Variants in NF1 observed in about 807,000 individuals in gnomAD.
NF1 encodes the protein neurofibromin 1, also known as neurofibromin.
NF1 carries 122 observed loss-of-function variants against 325.7 expected under a neutral mutation model. That is an observed-to-expected ratio of 0.37 (90% CI 0.32 to 0.44). The LOEUF (loss-of-function observed/expected upper bound fraction) is 0.44. Ranked by LOEUF, NF1 falls within the 20% of genes least tolerant of loss-of-function variation. The pLI is 1.00. For missense variants in NF1, 2,140 were observed against 3,415.4 expected (o/e 0.63, Z 9.31); for synonymous variants, 1,091 against 1,186.0 (o/e 0.92, Z 1.65).
intron 1 of NF1, among the ~76,000 whole-genome samples, chr17:31,142,429 A>G (rs1224513057): frequency 6.6e-6 from 1 of 152,222 alleles, no homozygotes; most frequent in Non-Finnish European, 1.5e-5. Flanking sequence ...CAATGACCTC[A>G]TATTTTAAAT....
At chr17:31,222,108 T>C (rs1207837633) in intron 15 of NF1, 179 bp downstream of exon 15, 1 of 1,300,750 alleles carries the variant, frequency 7.7e-7, no homozygotes, top group African/African-American at 1.5e-5. Flanking sequence ...GTAAGAAAAG[T>C]ATCACAGCAA....
At chr17:31,187,680 A>G (rs1286363269) in intron 8 of NF1, among the ~76,000 whole-genome samples, 1 of 152,124 alleles carries the variant, frequency 6.6e-6, no homozygotes, top group African/African-American at 2.4e-5. Context: ...TGTTTCTCCC[A>G]TAGCCAGGAT....
chr17:31,183,842 TC>T (rs1371212216), intron 8 of NF1, among the ~76,000 whole-genome samples: 3 of 152,184 alleles, frequency 2.0e-5, no homozygotes, highest in Non-Finnish European at 2.9e-5. Context: ...GTTGGATGCT[TC>T]CTGCCCTCGA....
intron 27 of NF1, among the ~76,000 whole-genome samples, chr17:31,234,574 G>A (rs1319570525): frequency 2.0e-5 from 3 of 149,716 alleles, no homozygotes; most frequent in Non-Finnish European, 4.4e-5. Context: ...TACTTGGGAG[G>A]CTGAGGCAGG....
At position 31,374,579 on chromosome 17, in the gene NF1, A is replaced by G. The variant is rs2070705601; in HGVS notation, c.*424A>G. 1 of 313,144 alleles carries G rather than the reference A, an allele frequency of 3.2e-6. No homozygotes were observed. Among genetic ancestry groups the G allele is most frequent in the Non-Finnish European group, 6.1e-6 (1 of 165,102 alleles). 19.4% of individuals were successfully genotyped at this position (313,144 alleles called of 1,614,324 possible). A position where few individuals can be genotyped will look rare whatever the true frequency, so the allele number is the denominator to read the frequency against. On this transcript the variant is annotated 3_prime_UTR_variant, in exon 58 of 58. Transcript: ENST00000358273. ...AGAGTAAAGTGTTAGTCCTATTTATACATTTTTCAAGATACAAGTTTATGA... is the reference window on the plus strand; with the variant it reads ...AGAGTAAAGTGTTAGTCCTATTTATGCATTTTTCAAGATACAAGTTTATGA...
chr17:31,178,439 G>A (rs2066063245), intron 5 of NF1, among the ~76,000 whole-genome samples: 1 of 152,178 alleles, frequency 6.6e-6, no homozygotes, highest in Admixed American at 6.5e-5. Context: ...GACCATCTAT[G>A]CTGTGAAGAA....
chr17:31,237,994 C>T (rs1042195574), intron 29 of NF1, among the ~76,000 whole-genome samples: 12 of 151,166 alleles, frequency 7.9e-5, no homozygotes, highest in Admixed American at 7.2e-4. Context: ...CTCTTAGATC[C>T]ATCAGAGAAT....
intron 4 of NF1, among the ~76,000 whole-genome samples, chr17:31,165,500 A>G (rs1266085259): frequency 6.6e-6 from 1 of 152,140 alleles, no homozygotes; most frequent in Non-Finnish European, 1.5e-5. Context: ...GACTTAAAAT[A>G]TGTGTGTGGC....
At chr17:31,339,961 C>T (rs909427724) in intron 46 of NF1, among the ~76,000 whole-genome samples, 1 of 152,142 alleles carries the variant, frequency 6.6e-6, no homozygotes, top group Non-Finnish European at 1.5e-5. Flanking sequence ...AGAAGCTTTT[C>T]AAAGGAATCG....
intron 31 of NF1, among the ~76,000 whole-genome samples, chr17:31,255,724 T>G (rs764137041): frequency 2.8e-4 from 42 of 152,318 alleles, no homozygotes; most frequent in Non-Finnish European, 5.3e-4. Context: ...TTAAATCAGG[T>G]GTAAATATGA....
At chr17:31,250,193 C>T in intron 30 of NF1, 1 of 323,972 alleles carries the variant, frequency 3.1e-6, no homozygotes, top group Non-Finnish European at 6.0e-6. Context: ...TCTGCCTTTA[C>T]AAAAAGGCTC....
At chr17:31,339,552 T>C (rs950187173) in intron 46 of NF1, among the ~76,000 whole-genome samples, 6 of 152,224 alleles carry the variant, frequency 3.9e-5, no homozygotes, top group Non-Finnish European at 8.8e-5. Context: ...GTTATATTCC[T>C]GGTTTGTCTA....
At chr17:31,204,728 C>T (rs537674518) in intron 11 of NF1, among the ~76,000 whole-genome samples, 13 of 151,990 alleles carry the variant, frequency 8.6e-5, no homozygotes, top group African/African-American at 3.1e-4. Context: ...GGATGCCTTT[C>T]TTAGTTTATC....
chr17:31,117,841 ACCATTCC>A (rs1914088890), intron 1 of NF1, among the ~76,000 whole-genome samples: 1 of 152,160 alleles, frequency 6.6e-6, no homozygotes, highest in Non-Finnish European at 1.5e-5. Flanking sequence ...TCCCTTGTTT[ACCATTCC>A]TATTCCCTTC....
chr17:31,297,177 A>G (rs1483444977), intron 36 of NF1: 1 of 152,206 alleles, frequency 6.6e-6, no homozygotes, highest in Non-Finnish European at 1.5e-5. Context: ...CTTCAACATC[A>G]GCATCTCATT....
intron 57 of NF1, among the ~76,000 whole-genome samples, chr17:31,362,950 AC>A: frequency 6.6e-6 from 1 of 152,288 alleles, no homozygotes; most frequent in Non-Finnish European, 1.5e-5. Flanking sequence ...TTACTCTACA[AC>A]CTTTTACTTA....
In NF1 at chr17:31,095,295, G is replaced by T; in HGVS notation, c.-15G>T. ...CCCACCCTTCCCTCCGCCGCCCCCCGGCCGCGGGGAGGACATGGCCGCGCA... is the reference window on the plus strand; with the variant it reads ...CCCACCCTTCCCTCCGCCGCCCCCCTGCCGCGGGGAGGACATGGCCGCGCA... On this transcript the variant is annotated 5_prime_UTR_variant, in exon 1 of 58. Coordinates refer to ENST00000358273, the MANE Select transcript of NF1 (RefSeq NM_001042492.3). 1.3e-6 allele frequency: 2 copies of T among 1,536,008 alleles called. No individual in the cohort carries two copies. Among genetic ancestry groups the T allele is most frequent in the Non-Finnish European group, 1.7e-6 (2 of 1,146,030 alleles).
intron 1 of NF1, among the ~76,000 whole-genome samples, chr17:31,096,413 G>C (rs761076680): frequency 6.6e-5 from 10 of 152,170 alleles, no homozygotes; most frequent in East Asian, 1.9e-4. Context: ...TTTATCGCCT[G>C]AGTTTCACAC....
At chr17:31,351,661 C>T (rs2070147852) in intron 50 of NF1, among the ~76,000 whole-genome samples, 1 of 152,226 alleles carries the variant, frequency 6.6e-6, no homozygotes, top group Admixed American at 6.5e-5. Flanking sequence ...GGTGATCCGC[C>T]TGCCTCGGCC....
Sources: allele counts gnomAD v4.1 joint callset (sites outside exome capture counted in the v4.1 genomes callset), GRCh38; gene constraint gnomAD v4.1.1; transcripts MANE v1.5; gene names NCBI Gene and HGNC (gene_info 2026-07-23, HGNC 2026-07-21).